The following TENM1 variants were observed in gnomAD, a reference collection of about 807,000 sequenced individuals.
TENM1 encodes teneurin-1.
In TENM1, 35 loss-of-function variants were observed where a neutral mutation model predicts 174.8. That is an observed-to-expected ratio of 0.20 (90% CI 0.15 to 0.27). The LOEUF (loss-of-function observed/expected upper bound fraction) is 0.27, where lower values mean the gene tolerates loss of function less well. Among genes scored for constraint, TENM1 ranks in the 10% least tolerant of loss-of-function variants. TENM1 has a pLI of 1.00. For synonymous variants in TENM1, 781 were observed against 798.7 expected, an observed-to-expected ratio of 0.98 and a Z score of 0.37; for missense variants, 1,633 against 2,130.1, an observed-to-expected ratio of 0.77 and a Z score of 4.59.
chrX:125,058,661 G>GA, the TENM1 span, among the ~76,000 whole-genome samples: 2 of 110,340 alleles, frequency 1.8e-5, no homozygotes, highest in Non-Finnish European at 3.8e-5. Context: ...TGGGGATACA[G>GA]AAAGTTTTTA....
chrX:124,596,914 T>TG (rs2049906536), intron 11 of TENM1, among the ~76,000 whole-genome samples: 1 of 110,970 alleles, frequency 9.0e-6, no homozygotes, highest in Admixed American at 9.6e-5. Context: ...AAAAAACATA[T>TG]GAAAAAATGC....
exon 32 of TENM1, chrX:124,380,370 C>G (rs1394380610): frequency 2.2e-6 from 1 of 445,474 alleles, no homozygotes; most frequent in Admixed American, 5.0e-5. Context: ...AGAGTTTAAA[C>G]AAACAATATT....
At chrX:124,970,687 G>T in the TENM1 span, among the ~76,000 whole-genome samples, 1 of 111,731 alleles carries the variant, frequency 9.0e-6, no homozygotes, top group African/African-American at 3.3e-5. Context: ...CACTGTTGGT[G>T]GGACTGTAAA....
intron 11 of TENM1, among the ~76,000 whole-genome samples, chrX:124,613,806 A>C (rs1027572835): frequency 9.0e-6 from 1 of 111,353 alleles, no homozygotes; most frequent in Non-Finnish European, 1.9e-5. Context: ...ATTTTGACCT[A>C]TTTTAAATGG....
the TENM1 span, among the ~76,000 whole-genome samples, chrX:125,067,043 A>ATCC: frequency 5.4e-5 from 6 of 111,123 alleles, no homozygotes; most frequent in East Asian, 1.7e-3. Flanking sequence ...GCTCTATAAG[A>ATCC]CAGGAGTGAG....
At chrX:124,469,325 C>T (rs908965577) in intron 22 of TENM1, among the ~76,000 whole-genome samples, 1 of 111,962 alleles carries the variant, frequency 8.9e-6, no homozygotes, top group Non-Finnish European at 1.9e-5. Context: ...TCATTCAGTA[C>T]TTATTCTGTG....
chrX:124,524,723 T>TG (rs2047934316), intron 16 of TENM1, among the ~76,000 whole-genome samples: 1 of 112,038 alleles, frequency 8.9e-6, no homozygotes, highest in Admixed American at 9.5e-5. Flanking sequence ...TCTCTAGATG[T>TG]GGTCTATGAC....
intron 3 of TENM1, among the ~76,000 whole-genome samples, chrX:124,818,826 G>A (rs1287088809): frequency 9.0e-6 from 1 of 111,576 alleles, no homozygotes; most frequent in East Asian, 2.8e-4. Context: ...CTCAACCACC[G>A]TAAGACTTCT....
At chrX:124,518,271 A>G (rs746796767) in intron 18 of TENM1, among the ~76,000 whole-genome samples, 12 of 110,585 alleles carry the variant, frequency 1.1e-4, no homozygotes, top group African/African-American at 3.3e-4. Flanking sequence ...CAGTCTCTAG[A>G]TGGTGCCACT....
the TENM1 span, among the ~76,000 whole-genome samples, chrX:125,128,655 G>A: frequency 9.0e-6 from 1 of 111,445 alleles, no homozygotes; most frequent in South Asian, 3.8e-4. Context: ...ACTCAGAGGA[G>A]GCCACAGCCA....
At chrX:125,070,362 AT>A in the TENM1 span, among the ~76,000 whole-genome samples, 1 of 110,957 alleles carries the variant, frequency 9.0e-6, no homozygotes, top group African/African-American at 3.3e-5. Flanking sequence ...CCCACTGCCC[AT>A]TTTTTAATGG....
chrX:124,671,726 G>GT lies in TENM1; in HGVS notation c.1124dup (p.Tyr375Ter). 8.3e-7 allele frequency: 1 copy of GT among 1,209,472 alleles called. No individual in the cohort carries two copies. The highest frequency in any genetic ancestry group is 1.1e-6 in the Non-Finnish European group (1 of 893,977). The change falls in exon 6 of 32, where the codon TAC becomes TAAC. Residue 375 changes from tyrosine to a stop codon, truncating the protein, a stop_gained and frameshift_variant. Coordinates refer to ENST00000422452, the Ensembl canonical transcript of TENM1. LOFTEE classifies it high-confidence loss of function. ...CAGAAACTTTTCCTCCAATTGGAGA[G>GT]TAAGTAGTGTCCATGGACTCGGTCC...
At chrX:125,023,808 G>A in the TENM1 span, among the ~76,000 whole-genome samples, 1 of 111,339 alleles carries the variant, frequency 9.0e-6, no homozygotes, top group African/African-American at 3.3e-5. Context: ...CTACAGGACA[G>A]GGGAAAATAT....
exon 32 of TENM1, chrX:124,380,472 A>G (rs2060143515): frequency 1.8e-6 from 2 of 1,088,983 alleles, no homozygotes; most frequent in Non-Finnish European, 2.4e-6. Flanking sequence ...AAACCAATAC[A>G]ATAAACCATT....
At chrX:124,381,022 A>T (rs781403901) in exon 32 of TENM1, 1 of 1,211,702 alleles carries the variant, frequency 8.3e-7, no homozygotes, top group Non-Finnish European at 1.1e-6. Context: ...CTATGGTAAA[A>T]TGTAGGTTTT....
chrX:124,613,028 A>G (rs2050314429), intron 11 of TENM1, among the ~76,000 whole-genome samples: 1 of 111,388 alleles, frequency 9.0e-6, no homozygotes, highest in Non-Finnish European at 1.9e-5. Context: ...CTATGGATGG[A>G]ACGTTACCTT....
chrX:124,796,815 C>T (rs1195474633), intron 3 of TENM1, among the ~76,000 whole-genome samples: 2 of 110,940 alleles, frequency 1.8e-5, no homozygotes, highest in Non-Finnish European at 3.8e-5. Flanking sequence ...TTATAATTGG[C>T]CTCTTTATGA....
chrX:124,749,663 C>T, intron 3 of TENM1, among the ~76,000 whole-genome samples: 1 of 111,774 alleles, frequency 8.9e-6, no homozygotes, highest in East Asian at 2.8e-4. Context: ...ACCTAACAAA[C>T]GATGACGACT....
In TENM1 at chrX:124,484,637, T is replaced by C. The variant is rs777872826; in HGVS notation, c.3716+2572A>G. On this transcript the variant is annotated intron_variant, in intron 21 of 31. Coordinates refer to ENST00000422452, the Ensembl canonical transcript of TENM1. ...ATTGGGAGCTCTTTTCGTTGACTCA[T>C]GTGTCCCTTTGCCATATCCCCATCA... is the stretch of plus-strand genomic sequence containing the variant. Among the ~76,000 whole-genome samples, 3 of 111,613 alleles carry C rather than the reference T, an allele frequency of 2.7e-5. No homozygotes were observed. In the South Asian group the frequency reaches 1.1e-3, roughly 42 times the overall value.
Sources: gnomAD v4.1 joint callset for allele counts (sites outside exome capture counted in the v4.1 genomes callset) on GRCh38, gnomAD v4.1.1 for gene constraint, MANE v1.5 for transcripts, NCBI Gene and HGNC (gene_info 2026-07-23, HGNC 2026-07-21) for gene names.